Variants in NBPF15 observed in about 807,000 individuals in gnomAD.
NBPF15 encodes NBPF member 15.
Under a neutral mutation model 62.2 loss-of-function variants are expected in NBPF15, and 74 were observed. The observed-to-expected ratio is 1.19, with a 90% CI of 0.99 to 1.44. The LOEUF is 1.44. Ranked by LOEUF, NBPF15 falls within the 40% of genes most tolerant of loss-of-function variation. The pLI is 0.00. For synonymous variants in NBPF15, 244 were observed against 209.7 expected (o/e 1.16, Z -1.41); for missense variants, 790 against 550.0 (o/e 1.44, Z -4.36).
chr1:144,457,078 C>T (rs61812059), intron 3 of NBPF15, among the ~76,000 whole-genome samples: 53 of 151,940 alleles, frequency 3.5e-4, no homozygotes, highest in African/African-American at 1.1e-3. Flanking sequence ...ACTCAGAAGG[C>T]TGAGGCAGGA....
rs1490843238 is a variant in NBPF15, at chr1:144,440,200, G to T, written c.-95C>A. 20 of 1,528,140 alleles carry T rather than the reference G, an allele frequency of 1.3e-5. No individual in the cohort carries two copies. The highest frequency in any genetic ancestry group is 1.7e-5 in the Non-Finnish European group (19 of 1,134,076). 94.7% of individuals were successfully genotyped at this position (1,528,140 alleles called of 1,614,324 possible). A position where few individuals can be genotyped will look rare whatever the true frequency, so the allele number is the denominator to read the frequency against. On this transcript the variant is annotated 5_prime_UTR_variant, in exon 7 of 22. Transcript: ENST00000581897. ...TTAGGATCCTTCACCACAAAAACAA[G>T]GTTCGAGGTGCCTCAACTCAGAGCT...
At chr1:144,435,463 T>C (rs1677511648) in intron 11 of NBPF15, 147 bp from the exon 12 acceptor site, 2 of 1,300,770 alleles carry the variant, frequency 1.5e-6, no homozygotes, top group South Asian at 2.5e-5. Context: ...GAACATGCAA[T>C]CCTGTTCTCT....
chr1:144,452,366 T>C (rs1221566889), intron 4 of NBPF15, among the ~76,000 whole-genome samples: 1 of 151,814 alleles, frequency 6.6e-6, no homozygotes. Context: ...CCAAAAACCA[T>C]CCCTAGAATG....
chr1:144,426,315 C>A lies in NBPF15; in HGVS notation c.1401G>T (p.Leu467Phe), dbSNP rs1413984868. Residue 467 changes from leucine to phenylalanine, a missense_variant, in exon 18 of 22, where the codon TTG (leucine) becomes TTT (phenylalanine). Transcript: ENST00000581897. Reference protein sequence around the residue: ...GQPYSSAVYSLEEQYLGLALD... With the variant: ...GQPYSSAVYSFEEQYLGLALD... ...GAGCCAAGCCAAGGTACTGTTCCTCCAATGAGTAAACAGCACTGCTGTAGG... is the reference window on the plus strand; with the variant it reads ...GAGCCAAGCCAAGGTACTGTTCCTCAAATGAGTAAACAGCACTGCTGTAGG... The A allele has an allele frequency of 1.3e-6, 1 of 742,692 alleles. No individual in the cohort carries two copies. The allele number at this position is 742,692 out of a possible 1,614,324, so 46.0% of individuals were successfully genotyped here.
Position 144,438,993 on chromosome 1 carries a change from A to AT in NBPF15, c.175+835dup, listed in dbSNP as rs1332668628. The stretch of plus-strand genomic sequence containing the variant: ...CTTATTTTTATTTATCATTATTATT[A>AT]TTATTTTTTTTTAACAGTCTTGCCC... On this transcript the variant is annotated intron_variant, in intron 8 of 21. Coordinates refer to ENST00000581897, the MANE Select transcript of NBPF15 (RefSeq NM_001385408.1). Among the ~76,000 whole-genome samples, 70 of 151,244 alleles carry AT rather than the reference A, an allele frequency of 4.6e-4. No individual in the cohort carries two copies. In the South Asian group the frequency reaches 0.014, roughly 30 times the overall value.
In NBPF15 at chr1:144,427,948, C is replaced by A. The variant is rs1215393159; in HGVS notation, c.1083G>T (p.Leu361Phe). 5 of 780,338 alleles carry A rather than the reference C, an allele frequency of 6.4e-6. No individual in the cohort carries two copies. Among genetic ancestry groups the A allele is most frequent in the Non-Finnish European group, 1.2e-5 (5 of 424,248 alleles). 48.3% of individuals were successfully genotyped at this position (780,338 alleles called of 1,614,324 possible). ...ELLDEKEPEV[L>F]QDSLDRCYST... ...AATAACATCTATCCAGTGAGTCCTGCAAGACTTCAGGCTCTTTCTCATCCA... is the reference window on the plus strand; with the variant it reads ...AATAACATCTATCCAGTGAGTCCTGAAAGACTTCAGGCTCTTTCTCATCCA... The change falls in exon 16 of 22, where the codon TTG becomes TTT. Residue 361 changes from leucine to phenylalanine, a missense_variant. Leu to Phe is a conservative substitution (Grantham distance 22). Coordinates refer to ENST00000581897, the MANE Select transcript of NBPF15 (RefSeq NM_001385408.1).
chr1:144,450,383 T>C (rs587610671), intron 5 of NBPF15, among the ~76,000 whole-genome samples: 1 of 151,914 alleles, frequency 6.6e-6, no homozygotes, highest in African/African-American at 2.4e-5. Context: ...GGAAAGCACG[T>C]GGCCTCTGGA....
chr1:144,452,521 T>C (rs1691846933), intron 4 of NBPF15, among the ~76,000 whole-genome samples: 1 of 151,428 alleles, frequency 6.6e-6, no homozygotes, highest in African/African-American at 2.4e-5. Context: ...GATTAGGAAA[T>C]GACTACAAAC....
chr1:144,438,806 C>T (rs1279630801), intron 8 of NBPF15, among the ~76,000 whole-genome samples: 4 of 151,876 alleles, frequency 2.6e-5, no homozygotes, highest in Non-Finnish European at 4.4e-5. Flanking sequence ...AGACAAGCAA[C>T]TTGGATGGAG....
In NBPF15 at chr1:144,437,030, A is replaced by ATCT; in HGVS notation, c.357_358insAGA (p.Ala119_Ser120insArg). On this transcript the variant is annotated inframe_insertion, in exon 10 of 22. Coordinates refer to ENST00000581897, the MANE Select transcript of NBPF15 (RefSeq NM_001385408.1). Reference sequence around the variant, plus strand: ...TGGAGATGCTCATTCAATGAGCGGGAGGCATCTCTCCCTTCCCGTAACTTC... The same window carrying ATCT: ...TGGAGATGCTCATTCAATGAGCGGGATCTGGCATCTCTCCCTTCCCGTAACTTC... The ATCT allele has an allele frequency of 1.2e-6, 2 of 1,611,830 alleles. No individual in the cohort carries two copies.
At chr1:144,436,481 T>G (rs1241397154) in intron 10 of NBPF15, among the ~76,000 whole-genome samples, 5 of 151,924 alleles carry the variant, frequency 3.3e-5, no homozygotes, top group Admixed American at 6.6e-5. Flanking sequence ...ACAATTTGTC[T>G]GCCACGGAGA....
At chr1:144,461,293 C>A (rs1309262077) in intron 1 of NBPF15, 88 bp downstream of exon 1, 1 of 151,806 alleles carries the variant, frequency 6.6e-6, no homozygotes. Flanking sequence ...TCCCAACCCC[C>A]CACCCCGCCT....
At chr1:144,457,079 T>C (rs1375320631) in intron 3 of NBPF15, among the ~76,000 whole-genome samples, 1 of 151,954 alleles carries the variant, frequency 6.6e-6, no homozygotes, top group Non-Finnish European at 1.5e-5. Context: ...CTCAGAAGGC[T>C]GAGGCAGGAG....
intron 14 of NBPF15, among the ~76,000 whole-genome samples, chr1:144,428,861 CCT>C (rs1263487429): frequency 3.3e-5 from 5 of 152,016 alleles, no homozygotes; most frequent in South Asian, 4.2e-4. Flanking sequence ...GCAAAATTCC[CCT>C]GTTTTGGAAT....
At position 144,422,982 on chromosome 1, in the gene NBPF15, G is replaced by A. The variant is rs782074648; in HGVS notation, c.*31C>T. On this transcript the variant is annotated 3_prime_UTR_variant, in exon 22 of 22. Transcript: ENST00000581897. ...TCGTGCCTATAGGTCCTGCCTGCAGGAATGACATCTCTCGGCTTAGTAAGA... is the reference window on the plus strand; with the variant it reads ...TCGTGCCTATAGGTCCTGCCTGCAGAAATGACATCTCTCGGCTTAGTAAGA... 42 of 1,611,670 alleles carry A rather than the reference G, an allele frequency of 2.6e-5. No homozygotes were observed. The East Asian group carries it at 8.9e-4, about 34-fold the overall frequency.
At chr1:144,431,540 C>T (rs1480334295) in intron 13 of NBPF15, among the ~76,000 whole-genome samples, 12 of 149,336 alleles carry the variant, frequency 8.0e-5, no homozygotes, top group South Asian at 2.1e-4. Context: ...ATGTGCACAA[C>T]GTGCAGGTTA....
At chr1:144,443,583 CCTT>C (rs1210921096) in intron 6 of NBPF15, among the ~76,000 whole-genome samples, 3 of 151,770 alleles carry the variant, frequency 2.0e-5, no homozygotes, top group African/African-American at 4.8e-5. Context: ...ATTTATTTAG[CCTT>C]CTTTAATTTT....
At chr1:144,436,476 TTGTC>T (rs1462672157) in intron 10 of NBPF15, among the ~76,000 whole-genome samples, 1 of 151,854 alleles carries the variant, frequency 6.6e-6, no homozygotes, top group African/African-American at 2.4e-5. Flanking sequence ...AAGAGACAAT[TTGTC>T]TGCCACGGAG....
At chr1:144,430,112 ACT>A (rs1673067234) in intron 13 of NBPF15, among the ~76,000 whole-genome samples, 1 of 150,536 alleles carries the variant, frequency 6.6e-6, no homozygotes, top group Non-Finnish European at 1.5e-5. Flanking sequence ...GGGCACCCAG[ACT>A]CTCCCTGTAA....
Sources: allele counts gnomAD v4.1 joint callset (sites outside exome capture counted in the v4.1 genomes callset), GRCh38; gene constraint gnomAD v4.1.1; transcripts MANE v1.5; gene names NCBI Gene and HGNC (gene_info 2026-07-23, HGNC 2026-07-21).